The following DLGAP1 variants were observed in gnomAD, a reference collection of about 807,000 sequenced individuals.
DLGAP1 encodes DLG associated protein 1.
A neutral mutation model predicts 90.8 loss-of-function variants in DLGAP1; 11 were observed. The observed-to-expected ratio is 0.12, with a 90% confidence interval of 0.08 to 0.20. The LOEUF (loss-of-function observed/expected upper bound fraction) is 0.20, where lower values mean the gene tolerates loss of function less well. DLGAP1 is among the 10% of genes least tolerant of loss of function. DLGAP1 has a pLI of 1.00. For synonymous variants in DLGAP1, 558 were observed against 540.7 expected, an observed-to-expected ratio of 1.03 and a Z score of -0.44; for missense variants, 1,050 against 1,333.8, an observed-to-expected ratio of 0.79 and a Z score of 3.31.
chr18:4,126,797 A>G (rs1427062788), intron 2 of DLGAP1, among the ~76,000 whole-genome samples: 4 of 152,194 alleles, frequency 2.6e-5, no homozygotes, highest in Non-Finnish European at 5.9e-5. Context: ...ACAGAAACCC[A>G]AAAACGTAGA....
At chr18:3,518,372 T>A (rs1359853898) in intron 10 of DLGAP1, among the ~76,000 whole-genome samples, 3 of 152,214 alleles carry the variant, frequency 2.0e-5, no homozygotes, top group African/African-American at 7.2e-5. Context: ...TGATCACAAA[T>A]CACCATAGCA....
At chr18:3,604,851 G>A (rs927793584) in intron 7 of DLGAP1, among the ~76,000 whole-genome samples, 1 of 152,172 alleles carries the variant, frequency 6.6e-6, no homozygotes, top group Non-Finnish European at 1.5e-5. Context: ...AAATGTCAGC[G>A]TACATCCTGT....
chr18:3,892,152 C>G (rs985916386), intron 3 of DLGAP1: 1 of 143,252 alleles, frequency 7.0e-6, no homozygotes, highest in Non-Finnish European at 1.5e-5. Context: ...CACACACACA[C>G]ACACACACAC....
chr18:4,398,126 T>C (rs55787784), intron 1 of DLGAP1, among the ~76,000 whole-genome samples: 5,763 of 152,266 alleles, frequency 0.038, 120 homozygotes, highest in South Asian at 0.092. Context: ...ATTCATAAAA[T>C]CTTTGTATGT....
Position 3,880,107 on chromosome 18 carries a change from G to A in DLGAP1, c.-39C>T. ...CAGCCGCCAGGGTCATGGACACCCG[G>A]AAGTCAGGCTCCAGACCCGTCTTGG... On this transcript the variant is annotated 5_prime_UTR_variant, in exon 4 of 13. Coordinates refer to ENST00000315677, the MANE Select transcript of DLGAP1 (RefSeq NM_004746.4). 6.3e-7 allele frequency: 1 copy of A among 1,581,500 alleles called. No individual in the cohort carries two copies. Among genetic ancestry groups the A allele is most frequent in the Non-Finnish European group, 8.6e-7 (1 of 1,166,412 alleles).
Position 3,622,250 on chromosome 18 carries a change from G to A in DLGAP1, c.1592-40002C>T, listed in dbSNP as rs927548796. Reference sequence around the variant, plus strand: ...CTCCCAAGTAGCTGGGACTACAGGCGCCCACCAACACGCCCGGCTAATTTT... The same window carrying A: ...CTCCCAAGTAGCTGGGACTACAGGCACCCACCAACACGCCCGGCTAATTTT... On this transcript the variant is annotated intron_variant, in intron 7 of 12. Coordinates refer to ENST00000315677, the MANE Select transcript of DLGAP1 (RefSeq NM_004746.4). 1.2e-3 allele frequency among the ~76,000 whole-genome samples: 178 copies of A among 151,780 alleles called. 3 individuals are homozygous for A. The highest frequency in any genetic ancestry group is 2.5e-4 in the Non-Finnish European group (17 of 67,908).
intron 4 of DLGAP1, among the ~76,000 whole-genome samples, chr18:3,842,117 G>A (rs183373036): frequency 6.6e-6 from 1 of 151,758 alleles, no homozygotes; most frequent in African/African-American, 2.4e-5. Flanking sequence ...TGGCAGGGGT[G>A]GGGGGTGAGG....
chr18:3,600,858 A>ATATATAGATAGATG, intron 7 of DLGAP1, among the ~76,000 whole-genome samples: 1 of 71,828 alleles, frequency 1.4e-5, no homozygotes, highest in Admixed American at 1.6e-4. Context: ...ATATATAGAT[A>ATATATAGATAGATG]TATATAGATA....
At chr18:3,970,835 A>G (rs756791370) in intron 3 of DLGAP1, among the ~76,000 whole-genome samples, 3 of 152,190 alleles carry the variant, frequency 2.0e-5, no homozygotes, top group Non-Finnish European at 1.5e-5. Flanking sequence ...TTTAATATCA[A>G]CTGGGATTCA....
At chr18:3,703,233 T>C (rs1348688343) in intron 7 of DLGAP1, among the ~76,000 whole-genome samples, 4 of 152,230 alleles carry the variant, frequency 2.6e-5, no homozygotes, top group Non-Finnish European at 4.4e-5. Flanking sequence ...TGGGATGGAA[T>C]GTGGCGCTGT....
intron 4 of DLGAP1, among the ~76,000 whole-genome samples, chr18:3,831,420 T>C (rs1188026102): frequency 6.6e-6 from 1 of 152,156 alleles, no homozygotes; most frequent in African/African-American, 2.4e-5. Context: ...AAATGTTCTG[T>C]GAAATGTGGT....
chr18:4,055,140 T>C (rs1568371629), intron 2 of DLGAP1, among the ~76,000 whole-genome samples: 1 of 152,120 alleles, frequency 6.6e-6, no homozygotes, highest in Non-Finnish European at 1.5e-5. Flanking sequence ...AGCAGTGAGG[T>C]TGGCACAGGG....
chr18:3,893,433 GCTGGGC>G (rs1310209640), intron 3 of DLGAP1, among the ~76,000 whole-genome samples: 1 of 151,816 alleles, frequency 6.6e-6, no homozygotes, highest in Non-Finnish European at 1.5e-5. Flanking sequence ...ACAAAAATTA[GCTGGGC>G]CTGGTGATGG....
intron 1 of DLGAP1, among the ~76,000 whole-genome samples, chr18:4,161,132 CATAG>C (rs1222421341): frequency 6.6e-6 from 1 of 150,466 alleles, no homozygotes; most frequent in Admixed American, 6.7e-5. Context: ...AGGTTTGTTA[CATAG>C]ATAAACATGT....
chr18:4,149,328 G>A (rs538512675), intron 2 of DLGAP1, among the ~76,000 whole-genome samples: 3 of 152,012 alleles, frequency 2.0e-5, no homozygotes, highest in Non-Finnish European at 2.9e-5. Flanking sequence ...GAATTCACTC[G>A]GATTCCATGA....
chr18:3,551,820 C>A (rs983611354), intron 9 of DLGAP1, among the ~76,000 whole-genome samples: 1 of 147,536 alleles, frequency 6.8e-6, no homozygotes, highest in African/African-American at 2.5e-5. Context: ...ACTCTGATAC[C>A]CAGGCTGGAG....
chr18:4,118,103 A>G (rs1351131464), intron 2 of DLGAP1, among the ~76,000 whole-genome samples: 3 of 152,054 alleles, frequency 2.0e-5, no homozygotes, highest in Non-Finnish European at 4.4e-5. Context: ...TGCATGTGGT[A>G]GCTTGCACCA....
intron 5 of DLGAP1, among the ~76,000 whole-genome samples, chr18:3,778,908 T>A (rs980248363): frequency 6.6e-6 from 1 of 152,144 alleles, no homozygotes; most frequent in African/African-American, 2.4e-5. Flanking sequence ...TGCAGCCTTG[T>A]AAGTCACGTG....
chr18:3,848,757 T>C (rs1656083712), intron 4 of DLGAP1, among the ~76,000 whole-genome samples: 2 of 152,174 alleles, frequency 1.3e-5, no homozygotes, highest in African/African-American at 4.8e-5. Flanking sequence ...TACCCCAATA[T>C]CACTGTCACC....
Sources: gnomAD v4.1 joint callset for allele counts (sites outside exome capture counted in the v4.1 genomes callset) on GRCh38, gnomAD v4.1.1 for gene constraint, MANE v1.5 for transcripts, NCBI Gene and HGNC (gene_info 2026-07-23, HGNC 2026-07-21) for gene names.